PRKCH: variants seen among roughly 807,000 people sequenced by gnomAD.
The protein encoded by PRKCH is protein kinase C eta, also known as protein kinase C eta type.
A neutral mutation model predicts 82.5 loss-of-function variants in PRKCH; 28 were observed. The ratio of observed to expected loss-of-function variants is 0.34; its 90% CI spans 0.25 to 0.47. The LOEUF is 0.47. Among genes scored for constraint, PRKCH ranks in the 20% least tolerant of loss-of-function variants. The probability of loss-of-function intolerance (pLI) is 1.00; values close to 1 mark genes in which losing one functional copy is unlikely to be tolerated. For missense variants in PRKCH, 705 were observed against 881.8 expected (o/e 0.80, Z 2.54); for synonymous variants, 322 against 327.4 (o/e 0.98, Z 0.18).
intron 1 of PRKCH, among the ~76,000 whole-genome samples, chr14:61,340,978 C>T (rs919448671): frequency 6.6e-6 from 1 of 152,208 alleles, no homozygotes; most frequent in Non-Finnish European, 1.5e-5. Context: ...TTACCACACT[C>T]GTTTGTATCA....
rs1397500782 is a variant in PRKCH at position 61,280,882 on chromosome 14, G to T, written c.-19+93214G>T. 2 of 1,555,244 alleles carry T rather than the reference G, an allele frequency of 1.3e-6. No homozygotes were observed. Among genetic ancestry groups the T allele is most frequent in the Non-Finnish European group, 1.7e-6 (2 of 1,157,704 alleles). ...GTACCAGGCGCACGAGCAGGGGGGC[G>T]GCAGCGCCCGGCCCTGGCCAGCCGC... is the stretch of plus-strand genomic sequence containing the variant. On this transcript the variant is annotated intron_variant, in intron 1 of 3. Transcript: ENST00000555185. This position sits in a 1 kb window ranked among gnomAD's most constrained non-coding sequence, Gnocchi z 5.0.
chr14:61,322,071 G>T lies in PRKCH; in HGVS notation c.-31G>T, dbSNP rs772498037. On this transcript the variant is annotated 5_prime_UTR_variant, in exon 1 of 14. Transcript: ENST00000332981. ...CGGTTCTCCCGCTGCGAAGCAGCGC[G>T]GCCCCCCGGGGCCGGGGCAGCGGCG... The T allele has an allele frequency of 3.3e-6, 5 of 1,509,464 alleles. No homozygotes were observed. Among genetic ancestry groups the T allele is most frequent in the East Asian group, 2.5e-5 (1 of 40,212 alleles). The allele number at this position is 1,509,464 out of a possible 1,614,324, so 93.5% of individuals were successfully genotyped here.
At chr14:61,431,352 C>A (rs1458253387) in intron 2 of PRKCH, among the ~76,000 whole-genome samples, 1 of 152,184 alleles carries the variant, frequency 6.6e-6, no homozygotes, top group East Asian at 1.9e-4. Flanking sequence ...CCAAGTCAAG[C>A]GTCGGACAGG....
intron 1 of PRKCH, among the ~76,000 whole-genome samples, chr14:61,367,569 C>G (rs2046312478): frequency 1.3e-5 from 2 of 151,970 alleles, no homozygotes; most frequent in South Asian, 2.1e-4. Flanking sequence ...GGCCAGCCCC[C>G]TAACTCTGGC....
intron 1 of PRKCH, among the ~76,000 whole-genome samples, chr14:61,285,033 T>G (rs139516575): frequency 1.3e-5 from 2 of 152,180 alleles, no homozygotes; most frequent in Non-Finnish European, 1.5e-5. Flanking sequence ...TTATATCCAG[T>G]TTTTCAGTAT....
At chr14:61,352,654 AAGAAAGAGAG>A (rs1566833910) in intron 1 of PRKCH, among the ~76,000 whole-genome samples, 2 of 139,962 alleles carry the variant, frequency 1.4e-5, no homozygotes, top group African/African-American at 5.4e-5. Context: ...GAAAGAAAGA[AAGAAAGAGAG>A]AGAGAGAGAG....
At chr14:61,464,496 A>T (rs1048821467) in intron 9 of PRKCH, among the ~76,000 whole-genome samples, 1 of 152,068 alleles carries the variant, frequency 6.6e-6, no homozygotes, top group African/African-American at 2.4e-5. Flanking sequence ...TCAACTGGTC[A>T]TCCAGGTTTT....
intron 1 of PRKCH, among the ~76,000 whole-genome samples, chr14:61,284,691 T>C (rs1302925088): frequency 6.6e-6 from 1 of 152,244 alleles, no homozygotes; most frequent in Non-Finnish European, 1.5e-5. Context: ...TTGGATCATG[T>C]AAACTCTTTA....
In PRKCH at chr14:61,454,394, C is replaced by T. The variant is rs543424588; in HGVS notation, c.960+1041C>T. 7.9e-5 allele frequency among the ~76,000 whole-genome samples: 12 copies of T among 152,288 alleles called. 1 individual carries two copies. The highest frequency in any genetic ancestry group is 3.4e-3 in the Middle Eastern group (1 of 294). On this transcript the variant is annotated intron_variant, in intron 7 of 13. Transcript: ENST00000332981. ...CTGGAATTACAGGCATGAGCTGCCA[C>T]GCCCAGCCTTTCTTTTCTGTTTTAA...
intron 2 of PRKCH, among the ~76,000 whole-genome samples, chr14:61,398,028 G>T (rs1204706772): frequency 6.6e-6 from 1 of 152,186 alleles, no homozygotes; most frequent in Non-Finnish European, 1.5e-5. Context: ...TCTTGTTAAA[G>T]GTGTCACTCT....
chr14:61,278,003 A>G (rs1453193862), intron 1 of PRKCH: 1 of 152,250 alleles, frequency 6.6e-6, no homozygotes, highest in South Asian at 2.1e-4. Context: ...CATAACCTTT[A>G]TTCTCTCTCA....
intron 12 of PRKCH, among the ~76,000 whole-genome samples, chr14:61,542,868 G>C (rs2043205721): frequency 6.6e-6 from 1 of 152,164 alleles, no homozygotes; most frequent in African/African-American, 2.4e-5. Context: ...TTCGAGCCTA[G>C]GACGGCAACA....
intron 2 of PRKCH, among the ~76,000 whole-genome samples, chr14:61,396,110 A>T (rs1000108831): frequency 6.6e-6 from 1 of 150,794 alleles, no homozygotes; most frequent in Non-Finnish European, 1.5e-5. Flanking sequence ...AAAAGAAAAG[A>T]CTTTATTTTA....
intron 9 of PRKCH, among the ~76,000 whole-genome samples, chr14:61,458,327 C>T (rs888592861): frequency 3.3e-5 from 5 of 152,222 alleles, no homozygotes; most frequent in African/African-American, 7.2e-5. Context: ...TTAGTACAAA[C>T]TTTTTACTTG....
At chr14:61,275,865 G>A (rs1695551304) in intron 1 of PRKCH, among the ~76,000 whole-genome samples, 1 of 152,178 alleles carries the variant, frequency 6.6e-6, no homozygotes, top group African/African-American at 2.4e-5. Flanking sequence ...GGACAGCAAA[G>A]TACATTAAAT....
chr14:61,499,682 C>A (rs1196616691), intron 10 of PRKCH, among the ~76,000 whole-genome samples: 3 of 151,968 alleles, frequency 2.0e-5, no homozygotes, highest in African/African-American at 7.3e-5. Context: ...AGTTATATAC[C>A]CTTCTTCTTT....
At chr14:61,503,003 T>A (rs1219188303) in intron 10 of PRKCH, among the ~76,000 whole-genome samples, 2 of 1,760 alleles carry the variant, frequency 1.1e-3, no homozygotes, top group Non-Finnish European at 7.5e-3. Flanking sequence ...GAAGCAGGCT[T>A]TTTTTTTTTT....
chr14:61,385,342 C>T (rs1202886776), intron 1 of PRKCH, among the ~76,000 whole-genome samples: 1 of 150,820 alleles, frequency 6.6e-6, no homozygotes, highest in African/African-American at 2.5e-5. Context: ...AACGCTATGA[C>T]CTGGGACAAG....
intron 12 of PRKCH, chr14:61,543,646 G>A (rs1230758029): frequency 6.6e-6 from 1 of 152,248 alleles, no homozygotes; most frequent in South Asian, 2.1e-4. Context: ...GAGAAAGTCA[G>A]CTGAGGTGAG....
Sources: gnomAD v4.1 joint callset for allele counts (sites outside exome capture counted in the v4.1 genomes callset) on GRCh38, gnomAD v4.1.1 for gene constraint, Gnocchi (gnomAD v3.1) non-coding constraint, MANE v1.5 for transcripts, NCBI Gene and HGNC (gene_info 2026-07-23, HGNC 2026-07-21) for gene names.